Variants in VRK2 observed in about 807,000 individuals in gnomAD.
VRK2 encodes the protein serine/threonine-protein kinase VRK2.
VRK2 carries 60 observed loss-of-function variants against 57.6 expected under a neutral mutation model. The ratio of observed to expected loss-of-function variants is 1.04; its 90% CI spans 0.85 to 1.29. VRK2 has a LOEUF of 1.29. Ranked by LOEUF, VRK2 falls within the 50% of genes most tolerant of loss-of-function variation. The pLI is 0.00. For synonymous variants in VRK2, 231 were observed against 199.2 expected (o/e 1.16, Z -1.35); for missense variants, 705 against 588.1 (o/e 1.20, Z -2.06).
In VRK2 at chr2:57,993,114, T is replaced by C. The variant is rs4672227; in HGVS notation, c.-438-32551T>C. 8.2e-3 allele frequency among the ~76,000 whole-genome samples: 1,244 copies of C among 152,342 alleles called. 52 individuals are homozygous for C. Among genetic ancestry groups the C allele is most frequent in the Admixed American group, 0.076 (1,165 of 15,296 alleles). On this transcript the variant is annotated intron_variant, in intron 1 of 15. Coordinates refer to the VRK2 transcript ENST00000417641. ...GTAACTGGTATATTTTAGTGTTCAG[T>C]AAATATTATCACTTAATTTAAGGCC...
At chr2:58,129,175 G>A (rs571995077) in intron 8 of VRK2, among the ~76,000 whole-genome samples, 2 of 152,200 alleles carry the variant, frequency 1.3e-5, no homozygotes, top group African/African-American at 4.8e-5. Context: ...GCAATAATAA[G>A]TAAACACTTC....
intron 1 of VRK2, among the ~76,000 whole-genome samples, chr2:57,963,176 T>C (rs971005191): frequency 3.3e-5 from 5 of 152,204 alleles, no homozygotes; most frequent in African/African-American, 1.2e-4. Flanking sequence ...ATACCAGTCC[T>C]CTACTGTTAT....
At chr2:58,116,708 T>G (rs967358156) in intron 7 of VRK2, among the ~76,000 whole-genome samples, 19 of 151,568 alleles carry the variant, frequency 1.3e-4, no homozygotes, top group Non-Finnish European at 2.7e-4. Flanking sequence ...CAAGAAGGAG[T>G]CAGTCAGAGA....
At chr2:58,045,403 G>T (rs1421976096), upstream of VRK2, among the ~76,000 whole-genome samples, 3 of 152,162 alleles carry the variant, frequency 2.0e-5, no homozygotes, top group Non-Finnish European at 4.4e-5. Flanking sequence ...AAGGGAGCCG[G>T]GGAAGTGGTG....
chr2:57,997,767 C>T (rs1022942382), intron 1 of VRK2, among the ~76,000 whole-genome samples: 3 of 151,796 alleles, frequency 2.0e-5, no homozygotes, highest in Admixed American at 6.6e-5. Flanking sequence ...TGGTGGGGTG[C>T]GCCTGTGGTC....
intron 1 of VRK2, among the ~76,000 whole-genome samples, chr2:57,914,138 T>C (rs1439589219): frequency 6.6e-6 from 1 of 152,010 alleles, no homozygotes; most frequent in Non-Finnish European, 1.5e-5. Flanking sequence ...CATTAGTCAA[T>C]TAAATATATG....
chr2:57,948,809 G>C (rs976000998), intron 1 of VRK2, among the ~76,000 whole-genome samples: 3 of 152,012 alleles, frequency 2.0e-5, no homozygotes, highest in African/African-American at 7.2e-5. Flanking sequence ...GAAAGAACCT[G>C]AAAAAGAGAC....
chr2:57,972,226 C>G (rs1423670671), intron 1 of VRK2, among the ~76,000 whole-genome samples: 1 of 131,982 alleles, frequency 7.6e-6, no homozygotes, highest in African/African-American at 3.1e-5. Context: ...GTAGATAAAT[C>G]TATGAAACAT....
chr2:57,909,742 A>G (rs991566964), intron 1 of VRK2, among the ~76,000 whole-genome samples: 1 of 152,196 alleles, frequency 6.6e-6, no homozygotes, highest in Non-Finnish European at 1.5e-5. Flanking sequence ...TTTGTTTAAT[A>G]AATTCCTTCT....
intron 2 of VRK2, among the ~76,000 whole-genome samples, chr2:58,050,229 T>C (rs1034198677): frequency 6.6e-6 from 1 of 152,200 alleles, no homozygotes; most frequent in Non-Finnish European, 1.5e-5. Context: ...CAATATGCTC[T>C]CAACATAAAC....
At chr2:58,054,253 T>C (rs1043685165) in intron 2 of VRK2, among the ~76,000 whole-genome samples, 1 of 152,078 alleles carries the variant, frequency 6.6e-6, no homozygotes, top group Non-Finnish European at 1.5e-5. Context: ...TGGTTCTTCT[T>C]TATTTTCAAC....
intron 1 of VRK2, among the ~76,000 whole-genome samples, chr2:57,937,621 G>A (rs756331184): frequency 1.1e-4 from 17 of 152,078 alleles, no homozygotes; most frequent in African/African-American, 9.7e-5. Flanking sequence ...CAGACCCAGC[G>A]GTTTTGAATT....
chr2:57,994,307 C>G (rs1672859149), intron 1 of VRK2, among the ~76,000 whole-genome samples: 3 of 152,126 alleles, frequency 2.0e-5, no homozygotes, highest in Admixed American at 6.6e-5. Context: ...ATTGACATAA[C>G]ATTATAACAT....
intron 8 of VRK2, among the ~76,000 whole-genome samples, 173 bp downstream of exon 8, chr2:58,123,406 A>G (rs1033058829): frequency 6.6e-6 from 1 of 152,218 alleles, no homozygotes; most frequent in African/African-American, 2.4e-5. Flanking sequence ...TTCTTCTAAC[A>G]GTGGAAAGAA....
In VRK2 at chr2:58,123,714, G is replaced by A. The variant is rs917717364; in HGVS notation, c.676+481G>A. On this transcript the variant is annotated intron_variant, in intron 8 of 12. Coordinates refer to ENST00000340157, the MANE Select transcript of VRK2 (RefSeq NM_006296.7). ...CCATCTCTACAAAAAAATACAAAAG[G>A]GTTGGCACTTGCCTGTAGTCCCAGC... Among the ~76,000 whole-genome samples, 21 of 151,962 alleles carry A rather than the reference G, an allele frequency of 1.4e-4. 1 individual carries two copies. Among genetic ancestry groups the A allele is most frequent in the Admixed American group, 1.4e-3 (21 of 15,260 alleles).
chr2:57,956,255 C>T (rs1322360861), intron 1 of VRK2, among the ~76,000 whole-genome samples: 3 of 152,058 alleles, frequency 2.0e-5, no homozygotes, highest in South Asian at 2.1e-4. Flanking sequence ...CATGGTGATG[C>T]ATGCCTGTAG....
chr2:57,989,310 T>A (rs937815111), intron 1 of VRK2, among the ~76,000 whole-genome samples: 16 of 152,312 alleles, frequency 1.1e-4, no homozygotes, highest in African/African-American at 3.4e-4. Flanking sequence ...CAGAAAGTGA[T>A]TGGGTGGTAT....
intron 1 of VRK2, among the ~76,000 whole-genome samples, chr2:58,022,763 T>C (rs1673799869): frequency 6.6e-6 from 1 of 152,076 alleles, no homozygotes; most frequent in Non-Finnish European, 1.5e-5. Context: ...TAGTCCCAGC[T>C]ACTCAGGAGG....
rs370715573 is a variant in VRK2, at chr2:58,135,174, A to G, written c.831A>G (p.Lys277=). The G allele has an allele frequency of 9.9e-6, 16 of 1,614,076 alleles. No individual in the cohort carries two copies. The highest frequency in any genetic ancestry group is 1.4e-5 in the Non-Finnish European group (16 of 1,180,034). ...LLDELPQSVL[K]WAPSGSSCCE... ...ACGAGCTCCCCCAGTCAGTGCTTAA[A>G]TGGGCTCCTTCTGGAAGCAGTTGCT... The change falls in exon 10 of 13, where the codon AAA becomes AAG. Residue 277 remains lysine (K), a synonymous_variant. Coordinates refer to ENST00000340157, the MANE Select transcript of VRK2 (RefSeq NM_006296.7).
Sources: allele counts gnomAD v4.1 joint callset (sites outside exome capture counted in the v4.1 genomes callset), GRCh38; gene constraint gnomAD v4.1.1; transcripts MANE v1.5; gene names NCBI Gene and HGNC (gene_info 2026-07-23, HGNC 2026-07-21).